Variants in AFAP1 observed in about 807,000 individuals in gnomAD.
AFAP1 encodes the protein actin filament-associated protein 1.
In AFAP1, 75 loss-of-function variants were observed where a neutral mutation model predicts 93.9. That is an observed-to-expected ratio of 0.80 (90% confidence interval 0.66 to 0.97). The LOEUF (loss-of-function observed/expected upper bound fraction) is 0.97. Ranked by LOEUF, AFAP1 falls within the 50% of genes least tolerant of loss-of-function variation. AFAP1 has a pLI of 0.00. For synonymous variants in AFAP1, 517 were observed against 430.7 expected (o/e 1.20, Z -2.48); for missense variants, 1,201 against 1,050.8 (o/e 1.14, Z -1.98).
chr4:7,831,154 AACT>A (rs955895196), intron 6 of AFAP1, among the ~76,000 whole-genome samples: 13 of 152,162 alleles, frequency 8.5e-5, no homozygotes, highest in Non-Finnish European at 1.9e-4. Flanking sequence ...ATCTGGAAGA[AACT>A]ACACTAGCCC....
intron 11 of AFAP1, among the ~76,000 whole-genome samples, chr4:7,787,647 C>T (rs1440901066): frequency 6.6e-6 from 1 of 152,172 alleles, no homozygotes; most frequent in African/African-American, 2.4e-5. Flanking sequence ...CGTTTAGTGG[C>T]CAGAGGTGAG....
rs2148921714 is a variant in AFAP1, at chr4:7,759,167, CCT to C, written c.*4596_*4597del. ...ATGTTAAAATGTAAAGTGAATATTT[CCT>C]TTCTTGTTAGAAAATCAAAAAGATT... On this transcript the variant is annotated 3_prime_UTR_variant, in exon 18 of 18. Coordinates refer to ENST00000420658, the MANE Select transcript of AFAP1 (RefSeq NM_001134647.2). 2 of 152,742 alleles carry C rather than the reference CCT, an allele frequency of 1.3e-5. No individual in the cohort carries two copies. The highest frequency in any genetic ancestry group is 4.1e-4 in the South Asian group (2 of 4,832). The allele number at this position is 152,742 out of a possible 1,614,324, so 9.5% of individuals were successfully genotyped here.
In AFAP1 at chr4:7,843,272, C is replaced by T. The variant is rs750422552; in HGVS notation, c.413G>A (p.Arg138Gln). The change falls in exon 5 of 18, where the codon CGG becomes CAG. Residue 138 changes from arginine (R) to glutamine (Q), a missense_variant. Transcript: ENST00000420658. ...GGCCTCCTCGGAGGGCCACTGGTGCCGGGTTTTCTTCCCCTTCCCATCCTC... is the reference window on the plus strand; with the variant it reads ...GGCCTCCTCGGAGGGCCACTGGTGCTGGGTTTTCTTCCCCTTCCCATCCTC... Reference protein sequence around the residue: ...EEEDGKGKKTRHQWPSEEASM... With the variant: ...EEEDGKGKKTQHQWPSEEASM... The T allele has an allele frequency of 1.8e-5, 29 of 1,614,008 alleles. No homozygotes were observed. Among genetic ancestry groups the T allele is most frequent in the Admixed American group, 1.0e-4 (6 of 59,994 alleles).
At chr4:7,912,855 A>AT (rs577033716) in intron 1 of AFAP1, among the ~76,000 whole-genome samples, 4 of 151,686 alleles carry the variant, frequency 2.6e-5, no homozygotes, top group Admixed American at 6.6e-5. Context: ...GTAGACAGCA[A>AT]TTTTTTTTAA....
chr4:7,875,579 A>G (rs1717445791), intron 1 of AFAP1, among the ~76,000 whole-genome samples: 1 of 151,520 alleles, frequency 6.6e-6, no homozygotes, highest in Admixed American at 6.6e-5. Context: ...TGACTGAGTC[A>G]ATGCACTCCA....
At chr4:7,915,571 C>T (rs1376362394) in intron 1 of AFAP1, among the ~76,000 whole-genome samples, 2 of 152,210 alleles carry the variant, frequency 1.3e-5, no homozygotes, top group Non-Finnish European at 2.9e-5. Context: ...TGGAACCAGA[C>T]GACCTGCCTG....
intron 9 of AFAP1, among the ~76,000 whole-genome samples, chr4:7,802,113 G>A (rs1450021481): frequency 6.6e-6 from 1 of 152,104 alleles, no homozygotes; most frequent in African/African-American, 2.4e-5. Context: ...TATTGGTTCA[G>A]TGACTTACTA....
chr4:7,795,144 G>C (rs1718279033), intron 10 of AFAP1, among the ~76,000 whole-genome samples: 3 of 152,250 alleles, frequency 2.0e-5, no homozygotes, highest in East Asian at 1.9e-4. Flanking sequence ...TCTAAAGGAA[G>C]GGATGTTAAC....
rs7664180 is a variant in AFAP1, at chr4:7,891,986, G to A, written c.-2-19906C>T. On this transcript the variant is annotated intron_variant, in intron 1 of 17. Transcript: ENST00000420658. ...GGAGAATGGCTTGAACCCGGGAAGC[G>A]GAGGTTGCAGTAAGCCAAGAAGGTG... Among the ~76,000 whole-genome samples, 891 of 152,162 alleles carry A rather than the reference G, an allele frequency of 5.9e-3. 6 individuals are homozygous for A. Among genetic ancestry groups the A allele is most frequent in the African/African-American group, 0.019 (777 of 41,496 alleles).
At chr4:7,774,584 T>C (rs952712693) in intron 15 of AFAP1, 155 bp downstream of exon 15, 2 of 1,198,882 alleles carry the variant, frequency 1.7e-6, no homozygotes, top group South Asian at 3.4e-5. Flanking sequence ...TTACCAGCAA[T>C]GTTTCCAAGC....
At chr4:7,778,035 T>C (rs1297492607) in intron 14 of AFAP1, 1 of 152,856 alleles carries the variant, frequency 6.5e-6, no homozygotes, top group African/African-American at 2.4e-5. Flanking sequence ...GAGTGTCTCA[T>C]GTCTTAATGC....
intron 6 of AFAP1, among the ~76,000 whole-genome samples, chr4:7,836,100 A>T (rs1712266999): frequency 1.3e-5 from 2 of 152,168 alleles, no homozygotes; most frequent in Admixed American, 6.5e-5. Flanking sequence ...GTATGCAAAA[A>T]ATTAAATCAA....
intron 14 of AFAP1, chr4:7,778,385 T>C: frequency 3.1e-6 from 1 of 321,426 alleles, no homozygotes; most frequent in Non-Finnish European, 5.9e-6. Context: ...GTCTGACAGA[T>C]AAAGATGCTG....
chr4:7,817,848 G>A (rs144833522), intron 7 of AFAP1, among the ~76,000 whole-genome samples: 28 of 151,902 alleles, frequency 1.8e-4, no homozygotes, highest in African/African-American at 6.5e-4. Flanking sequence ...AGGAAAGAGT[G>A]GTTAATATAT....
chr4:7,842,161 G>T (rs1713092748), intron 5 of AFAP1, among the ~76,000 whole-genome samples: 1 of 151,618 alleles, frequency 6.6e-6, no homozygotes, highest in African/African-American at 2.4e-5. Context: ...AAATCTGGGA[G>T]AAATTCAGGC....
At chr4:7,842,301 C>CAAAAA (rs57050150) in intron 5 of AFAP1, among the ~76,000 whole-genome samples, 1 of 94,898 alleles carries the variant, frequency 1.1e-5, no homozygotes, top group Non-Finnish European at 2.0e-5. Context: ...CCTGGATTTA[C>CAAAAA]AAAAAAAAAA....
chr4:7,808,103 A>G (rs1378194247), intron 9 of AFAP1, among the ~76,000 whole-genome samples: 2 of 152,240 alleles, frequency 1.3e-5, no homozygotes, highest in Admixed American at 1.3e-4. Flanking sequence ...GACTATTCAA[A>G]TAGAAGGAAT....
chr4:7,899,017 ATG>A (rs201618710), intron 1 of AFAP1, among the ~76,000 whole-genome samples: 1 of 129,422 alleles, frequency 7.7e-6, no homozygotes, highest in African/African-American at 2.6e-5. Flanking sequence ...ATATAAATAT[ATG>A]TGTGTGTATA....
At chr4:7,853,726 C>T (rs1714720081) in intron 4 of AFAP1, among the ~76,000 whole-genome samples, 1 of 152,312 alleles carries the variant, frequency 6.6e-6, no homozygotes, top group African/African-American at 2.4e-5. Flanking sequence ...AAGTTCGTAT[C>T]TAACTGAAGG....
Sources: gnomAD v4.1 joint callset for allele counts (sites outside exome capture counted in the v4.1 genomes callset) on GRCh38, gnomAD v4.1.1 for gene constraint, MANE v1.5 for transcripts, NCBI Gene and HGNC (gene_info 2026-07-23, HGNC 2026-07-21) for gene names.